Variants in LRRC4C observed in about 807,000 individuals in gnomAD.
The protein encoded by LRRC4C is leucine-rich repeat-containing protein 4C.
A neutral mutation model predicts 33.6 loss-of-function variants in LRRC4C; 5 were observed. The ratio of observed to expected loss-of-function variants is 0.15; its 90% CI spans 0.08 to 0.31. The LOEUF is 0.31. Ranked by LOEUF, LRRC4C falls within the 10% of genes least tolerant of loss-of-function variation. The pLI is 1.00. For synonymous variants in LRRC4C, 329 were observed against 302.0 expected (o/e 1.09, Z -0.93); for missense variants, 560 against 796.7 (o/e 0.70, Z 3.58).
intron 3 of LRRC4C, among the ~76,000 whole-genome samples, chr11:40,471,123 G>C (rs1337820776): frequency 1.3e-5 from 2 of 152,098 alleles, no homozygotes; most frequent in African/African-American, 2.4e-5. Context: ...AAATGTTAAG[G>C]GCAGCCAGAG....
intron 3 of LRRC4C, among the ~76,000 whole-genome samples, chr11:40,632,447 A>C (rs1289989344): frequency 6.6e-6 from 1 of 152,228 alleles, no homozygotes. Flanking sequence ...CCATGCAAGC[A>C]TGCTTCTCTT....
intron 1 of LRRC4C, among the ~76,000 whole-genome samples, chr11:41,415,184 A>G (rs1418598670): frequency 1.3e-5 from 2 of 152,172 alleles, no homozygotes. Context: ...TATTTAAGGC[A>G]TTTAAACCAA....
At chr11:40,389,737 C>T (rs962287102) in intron 3 of LRRC4C, among the ~76,000 whole-genome samples, 1 of 152,078 alleles carries the variant, frequency 6.6e-6, no homozygotes, top group Admixed American at 6.6e-5. Context: ...AAAAATGAGA[C>T]ACACTGCTGT....
At chr11:40,395,491 T>A (rs1949503168) in intron 3 of LRRC4C, among the ~76,000 whole-genome samples, 1 of 152,164 alleles carries the variant, frequency 6.6e-6, no homozygotes, top group Non-Finnish European at 1.5e-5. Context: ...AAAACCTGAA[T>A]AATACATTCA....
chr11:40,965,893 C>T (rs1851324672), intron 1 of LRRC4C, among the ~76,000 whole-genome samples: 1 of 151,922 alleles, frequency 6.6e-6, no homozygotes, highest in African/African-American at 2.4e-5. Context: ...TAGTTTTTTC[C>T]AATTCTGTGA....
intron 1 of LRRC4C, among the ~76,000 whole-genome samples, chr11:40,935,644 A>G (rs1957846427): frequency 6.6e-6 from 1 of 152,180 alleles, no homozygotes; most frequent in East Asian, 1.9e-4. Flanking sequence ...GGCATACAAT[A>G]AAGGTTTGCA....
At position 40,508,404 on chromosome 11, in the gene LRRC4C, T is replaced by C. The variant is rs573165264; in HGVS notation, c.-270+139738A>G. 3.3e-5 allele frequency among the ~76,000 whole-genome samples: 5 copies of C among 152,174 alleles called. No homozygotes were observed. The East Asian group carries it at 9.7e-4, about 29-fold the overall frequency. On this transcript the variant is annotated intron_variant, in intron 3 of 6. Coordinates refer to ENST00000528697, the MANE Select transcript of LRRC4C (RefSeq NM_001258419.2). ...GGCAAAAATAATGCCTAGATTTAAA[T>C]AGAACATAGCATTTATAATGTAGTA...
At chr11:40,161,371 A>G (rs1859139339) in intron 5 of LRRC4C, among the ~76,000 whole-genome samples, 1 of 152,236 alleles carries the variant, frequency 6.6e-6, no homozygotes, top group South Asian at 2.1e-4. Context: ...TAAATCAGCA[A>G]CAAATAATTC....
At chr11:40,684,820 T>C (rs1277967160) in intron 2 of LRRC4C, among the ~76,000 whole-genome samples, 1 of 151,822 alleles carries the variant, frequency 6.6e-6, no homozygotes, top group Non-Finnish European at 1.5e-5. Flanking sequence ...ACAATGAAAA[T>C]AAGGAGCTAA....
chr11:40,646,830 T>A (rs1003309124), intron 3 of LRRC4C, among the ~76,000 whole-genome samples: 51 of 152,116 alleles, frequency 3.4e-4, no homozygotes, highest in African/African-American at 1.2e-3. Context: ...ATGGTCTCGA[T>A]CTCCTGACCT....
chr11:40,203,517 G>A (rs1485621462), intron 5 of LRRC4C, among the ~76,000 whole-genome samples: 1 of 152,148 alleles, frequency 6.6e-6, no homozygotes, highest in Non-Finnish European at 1.5e-5. Flanking sequence ...TCCTTAACCT[G>A]AGTGAGGTAG....
chr11:40,783,877 A>G (rs1248785922), intron 2 of LRRC4C, among the ~76,000 whole-genome samples: 1 of 152,150 alleles, frequency 6.6e-6, no homozygotes, highest in Non-Finnish European at 1.5e-5. Context: ...ATGAGCCCAG[A>G]ATTATTTTGT....
In LRRC4C at chr11:41,104,832, T is replaced by G. The variant is rs185557751; in HGVS notation, c.-495-171109A>C. ...CAATATATCTCAAAAACATGCTATGTGTAAAAAGGTCATAAATTATATAAT... is the reference window on the plus strand; with the variant it reads ...CAATATATCTCAAAAACATGCTATGGGTAAAAAGGTCATAAATTATATAAT... On this transcript the variant is annotated intron_variant, in intron 1 of 6. Transcript: ENST00000528697. 8.5e-5 allele frequency among the ~76,000 whole-genome samples: 13 copies of G among 152,056 alleles called. 1 individual carries two copies. The East Asian group carries it at 2.5e-3, about 29-fold the overall frequency.
chr11:40,324,252 G>T (rs529548724), intron 3 of LRRC4C, among the ~76,000 whole-genome samples: 3 of 152,200 alleles, frequency 2.0e-5, no homozygotes, highest in African/African-American at 7.2e-5. Flanking sequence ...TTTTAAGCAA[G>T]CTTGATTCTA....
chr11:40,620,587 G>A (rs746008531), intron 3 of LRRC4C, among the ~76,000 whole-genome samples: 2 of 151,692 alleles, frequency 1.3e-5, no homozygotes, highest in Non-Finnish European at 1.5e-5. Context: ...GAAATAATAC[G>A]TTAAAGCTAC....
chr11:40,873,732 C>T (rs1475015834), intron 2 of LRRC4C, among the ~76,000 whole-genome samples: 1 of 152,122 alleles, frequency 6.6e-6, no homozygotes, highest in African/African-American at 2.4e-5. Flanking sequence ...TTATTTTTCT[C>T]CTACCTCTGC....
At chr11:40,893,364 A>G (rs1955803058) in intron 2 of LRRC4C, among the ~76,000 whole-genome samples, 2 of 152,122 alleles carry the variant, frequency 1.3e-5, no homozygotes, top group South Asian at 2.1e-4. Context: ...ACATTTTAGA[A>G]CTGAGGAAGT....
chr11:40,379,272 A>T (rs778118959), intron 3 of LRRC4C, among the ~76,000 whole-genome samples: 1 of 151,756 alleles, frequency 6.6e-6, no homozygotes, highest in South Asian at 2.1e-4. Flanking sequence ...TACCAATTTA[A>T]TTATAATATA....
At chr11:40,563,314 A>G (rs1037053758) in intron 3 of LRRC4C, among the ~76,000 whole-genome samples, 1 of 152,274 alleles carries the variant, frequency 6.6e-6, no homozygotes, top group African/African-American at 2.4e-5. Context: ...GCCCAAAGTC[A>G]TGGACTCATT....
Sources: gnomAD v4.1 joint callset for allele counts (sites outside exome capture counted in the v4.1 genomes callset) on GRCh38, gnomAD v4.1.1 for gene constraint, MANE v1.5 for transcripts, NCBI Gene and HGNC (gene_info 2026-07-23, HGNC 2026-07-21) for gene names.